Variants in CFAP299 observed in about 807,000 individuals in gnomAD.
The protein encoded by CFAP299 is cilia- and flagella-associated protein 299.
A neutral mutation model predicts 27.0 loss-of-function variants in CFAP299; 21 were observed. The observed-to-expected ratio is 0.78, with a 90% CI of 0.55 to 1.12. CFAP299 has a LOEUF of 1.12. Ranked by LOEUF, CFAP299 falls within the 50% of genes most tolerant of loss-of-function variation. The probability of loss-of-function intolerance (pLI) is 0.00; values close to 1 mark genes in which losing one functional copy is unlikely to be tolerated. For synonymous variants in CFAP299, 104 were observed against 98.1 expected, an observed-to-expected ratio of 1.06 and a Z score of -0.36; for missense variants, 310 against 276.6, an observed-to-expected ratio of 1.12 and a Z score of -0.86.
intron 3 of CFAP299, among the ~76,000 whole-genome samples, chr4:80,661,974 C>A (rs1033414516): frequency 6.6e-6 from 1 of 152,108 alleles, no homozygotes; most frequent in African/African-American, 2.4e-5. Context: ...CTTATTAGGA[C>A]GAGGAAATTC....
intron 4 of CFAP299, among the ~76,000 whole-genome samples, chr4:80,926,523 A>G (rs1736313222): frequency 6.6e-6 from 1 of 151,950 alleles, no homozygotes; most frequent in Non-Finnish European, 1.5e-5. Flanking sequence ...AGAGAGATTA[A>G]AGAGATGGAA....
At chr4:80,751,127 T>G (rs1430245098) in intron 3 of CFAP299, among the ~76,000 whole-genome samples, 1 of 152,160 alleles carries the variant, frequency 6.6e-6, no homozygotes, top group South Asian at 2.1e-4. Context: ...ATTTTTGCAT[T>G]GATTCTTATC....
At chr4:80,677,444 TG>T (rs1345477182) in intron 3 of CFAP299, among the ~76,000 whole-genome samples, 2 of 152,096 alleles carry the variant, frequency 1.3e-5, no homozygotes, top group African/African-American at 4.8e-5. Flanking sequence ...TATGTATTTT[TG>T]TGGGGATAAT....
Position 80,335,859 on chromosome 4 carries a change from G to A in CFAP299, c.91G>A (p.Val31Met). 6.2e-7 allele frequency: 1 copy of A among 1,611,046 alleles called. No individual in the cohort carries two copies. The highest frequency in any genetic ancestry group is 8.5e-7 in the Non-Finnish European group (1 of 1,177,122). Residue 31 changes from valine (V) to methionine (M), a missense_variant, in exon 1 of 6, where the codon GTG becomes ATG. Physicochemically the swap from Val to Met is conservative, Grantham distance 21. Coordinates refer to ENST00000358105, the MANE Select transcript of CFAP299 (RefSeq NM_152770.3). ...EDFLDSQITTVDLYYLEDETL... is the reference protein window; with the variant it reads ...EDFLDSQITTMDLYYLEDETL... ...TTTCCTGGACTCGCAGATCACTACT[G>A]TGGACTTGTACTACCTGGAGGTAAG...
intron 3 of CFAP299, among the ~76,000 whole-genome samples, chr4:80,781,000 T>C (rs896023732): frequency 1.3e-5 from 2 of 151,976 alleles, no homozygotes; most frequent in African/African-American, 2.4e-5. Context: ...GTAATTATTA[T>C]ATACATAATT....
At position 80,362,859 on chromosome 4, in the gene CFAP299, A is replaced by C. The variant is rs775122068; in HGVS notation, c.217A>C (p.Arg73=). The C allele has an allele frequency of 6.2e-7, 1 of 1,611,498 alleles. No homozygotes were observed. Among genetic ancestry groups the C allele is most frequent in the East Asian group, 2.2e-5 (1 of 44,726 alleles). The change falls in exon 2 of 6, where the codon AGA becomes CGA. Residue 73 remains arginine, a synonymous_variant. Coordinates refer to ENST00000358105, the MANE Select transcript of CFAP299 (RefSeq NM_152770.3). ...AAGGAAAGCGGCTATAGAGATTGCA[A>C]GACTGGCTGAAAGAGCTCAGCAAAA... ...EARKAAIEIA[R]LAERAQQKTL...
chr4:80,556,583 C>G (rs1734796545), intron 2 of CFAP299, among the ~76,000 whole-genome samples: 1 of 151,862 alleles, frequency 6.6e-6, no homozygotes, highest in Non-Finnish European at 1.5e-5. Flanking sequence ...ACAAATAAGC[C>G]TAATAAGCCC....
the CFAP299 span, among the ~76,000 whole-genome samples, chr4:80,329,435 T>C: frequency 6.6e-6 from 1 of 152,084 alleles, no homozygotes. Flanking sequence ...CCTAGCACAG[T>C]TCCTGACTCT....
chr4:80,781,670 AG>A (rs1388132313), intron 3 of CFAP299, among the ~76,000 whole-genome samples: 2 of 152,092 alleles, frequency 1.3e-5, no homozygotes, highest in African/African-American at 4.8e-5. Flanking sequence ...GGCCTACTTG[AG>A]GTATTTGATA....
At chr4:80,923,426 A>G (rs1736144697) in intron 4 of CFAP299, among the ~76,000 whole-genome samples, 1 of 152,078 alleles carries the variant, frequency 6.6e-6, no homozygotes, top group African/African-American at 2.4e-5. Context: ...GGCCAAGATG[A>G]AGAACTTATT....
chr4:80,517,036 G>C (rs556873534), intron 2 of CFAP299, among the ~76,000 whole-genome samples: 1 of 152,172 alleles, frequency 6.6e-6, no homozygotes, highest in African/African-American at 2.4e-5. Flanking sequence ...TGTATTGAAT[G>C]AATGAGTGGA....
chr4:80,551,492 T>G (rs1238336036), intron 2 of CFAP299, among the ~76,000 whole-genome samples: 2 of 152,140 alleles, frequency 1.3e-5, no homozygotes, highest in South Asian at 2.1e-4. Flanking sequence ...TGAAATATAT[T>G]TATTATGATA....
At chr4:80,649,583 T>C (rs1387889585) in intron 3 of CFAP299, among the ~76,000 whole-genome samples, 1 of 152,154 alleles carries the variant, frequency 6.6e-6, no homozygotes, top group Non-Finnish European at 1.5e-5. Flanking sequence ...AATTAAGAAA[T>C]ATTTATTTCC....
At chr4:80,910,667 T>C (rs1007766991) in intron 4 of CFAP299, among the ~76,000 whole-genome samples, 5 of 152,098 alleles carry the variant, frequency 3.3e-5, no homozygotes, top group African/African-American at 1.2e-4. Flanking sequence ...CACTAGGGGC[T>C]ACCTGAGGGT....
intron 3 of CFAP299, among the ~76,000 whole-genome samples, chr4:80,750,101 G>A (rs1267803107): frequency 1.3e-5 from 2 of 151,968 alleles, no homozygotes; most frequent in African/African-American, 2.4e-5. Context: ...TTTTCTTAAT[G>A]TATGATTTTT....
intron 4 of CFAP299, among the ~76,000 whole-genome samples, chr4:80,900,701 T>C (rs987621232): frequency 2.0e-5 from 3 of 152,004 alleles, no homozygotes; most frequent in Non-Finnish European, 4.4e-5. Flanking sequence ...TATATGGCAG[T>C]ATTCTCTGGA....
intron 2 of CFAP299, chr4:80,386,518 G>GT (rs1177004294): frequency 2.0e-6 from 3 of 1,492,040 alleles, no homozygotes; most frequent in African/African-American, 2.9e-5. Context: ...GTGGTGGGGG[G>GT]GGGGGGTGCC....
intron 3 of CFAP299, among the ~76,000 whole-genome samples, chr4:80,592,347 G>A (rs1383985269): frequency 6.6e-6 from 1 of 152,122 alleles, no homozygotes; most frequent in Non-Finnish European, 1.5e-5. Flanking sequence ...GACCCTTGAT[G>A]CAAAATGATA....
At chr4:80,559,224 A>G (rs1048908216) in intron 2 of CFAP299, among the ~76,000 whole-genome samples, 2 of 150,212 alleles carry the variant, frequency 1.3e-5, no homozygotes, top group African/African-American at 5.0e-5. Context: ...TTCATATAAC[A>G]TGACAGGTTC....
Sources: gnomAD v4.1 joint callset for allele counts (sites outside exome capture counted in the v4.1 genomes callset) on GRCh38, gnomAD v4.1.1 for gene constraint, MANE v1.5 for transcripts, NCBI Gene and HGNC (gene_info 2026-07-23, HGNC 2026-07-21) for gene names.